The following ETV6 variants were observed in gnomAD, a reference collection of about 807,000 sequenced individuals.
ETV6 encodes transcription factor ETV6.
Under a neutral mutation model 51.1 loss-of-function variants are expected in ETV6, and 16 were observed. The ratio of observed to expected loss-of-function variants is 0.31; its 90% CI spans 0.21 to 0.48. The LOEUF is 0.48. ETV6 is among the 20% of genes least tolerant of loss of function. The pLI, the probability that ETV6 is intolerant of heterozygous loss-of-function variation, is 0.99. For synonymous variants in ETV6, 240 were observed against 224.1 expected, an observed-to-expected ratio of 1.07 and a Z score of -0.64; for missense variants, 458 against 594.8, an observed-to-expected ratio of 0.77 and a Z score of 2.39.
At chr12:11,783,426 G>C (rs1945439047) in intron 2 of ETV6, among the ~76,000 whole-genome samples, 2 of 152,154 alleles carry the variant, frequency 1.3e-5, no homozygotes, top group South Asian at 4.1e-4. Flanking sequence ...GTGGAAACCT[G>C]ATTGCTGTGG....
intron 2 of ETV6, among the ~76,000 whole-genome samples, chr12:11,800,387 A>G (rs1190062928): frequency 6.6e-6 from 1 of 152,244 alleles, no homozygotes; most frequent in Non-Finnish European, 1.5e-5. Context: ...TAACATAGCC[A>G]TTAACTCACA....
intron 1 of ETV6, among the ~76,000 whole-genome samples, chr12:11,658,897 G>A (rs918899606): frequency 1.3e-5 from 2 of 152,240 alleles, no homozygotes; most frequent in African/African-American, 4.8e-5. Context: ...TGTACAGTGA[G>A]TCTAACTAGC....
intron 1 of ETV6, among the ~76,000 whole-genome samples, chr12:11,675,302 A>G (rs1864401743): frequency 6.6e-6 from 1 of 152,226 alleles, no homozygotes; most frequent in South Asian, 2.1e-4. Flanking sequence ...AGCAAAAATA[A>G]AGCAAATAAA....
At chr12:11,697,195 T>C (rs1864893073) in intron 1 of ETV6, among the ~76,000 whole-genome samples, 1 of 152,182 alleles carries the variant, frequency 6.6e-6, no homozygotes, top group South Asian at 2.1e-4. Flanking sequence ...CTGAAATTTC[T>C]TGGGGACTGA....
At chr12:11,706,382 G>A (rs939844011) in intron 1 of ETV6, among the ~76,000 whole-genome samples, 1 of 152,154 alleles carries the variant, frequency 6.6e-6, no homozygotes, top group Non-Finnish European at 1.5e-5. Context: ...ATTTCTCTTC[G>A]CTGGAAGAGC....
intron 1 of ETV6, among the ~76,000 whole-genome samples, chr12:11,716,940 T>C (rs1475235507): frequency 6.6e-6 from 1 of 152,154 alleles, no homozygotes; most frequent in East Asian, 1.9e-4. Flanking sequence ...ATCTCTTAGA[T>C]CTAAAATCAT....
At chr12:11,715,245 A>G (rs1865253108) in intron 1 of ETV6, among the ~76,000 whole-genome samples, 1 of 152,178 alleles carries the variant, frequency 6.6e-6, no homozygotes, top group Non-Finnish European at 1.5e-5. Flanking sequence ...AGAGTTGAGC[A>G]TTCGTCTTTT....
intron 3 of ETV6, among the ~76,000 whole-genome samples, chr12:11,847,871 T>C (rs1259349560): frequency 6.6e-6 from 1 of 152,114 alleles, no homozygotes; most frequent in Admixed American, 6.6e-5. Context: ...AACTTGAAAC[T>C]GCTTAAAAGC....
chr12:11,869,498 C>G lies in ETV6; in HGVS notation c.538C>G (p.His180Asp). Reference protein sequence around the residue: ...HHNPPTIELLHRSRSPITTNH... With the variant: ...HHNPPTIELLDRSRSPITTNH... The stretch of plus-strand genomic sequence containing the variant: ...TAACCCTCCCACCATTGAACTGTTG[C>G]ACCGCTCCAGGTCACCTATCACGAC... Residue 180 changes from histidine to aspartate, a missense_variant, in exon 5 of 8, where the codon CAC (histidine) becomes GAC (aspartate). By Grantham distance (81) the His-to-Asp change is moderately conservative. Transcript: ENST00000396373. This position sits in a 1 kb window ranked among gnomAD's most constrained non-coding sequence, Gnocchi z 5.0. 3 of 1,614,158 alleles carry G rather than the reference C, an allele frequency of 1.9e-6. No homozygotes were observed. Among genetic ancestry groups the G allele is most frequent in the Non-Finnish European group, 2.5e-6 (3 of 1,180,024 alleles).
At chr12:11,822,251 G>A (rs1457629706) in intron 2 of ETV6, among the ~76,000 whole-genome samples, 2 of 152,214 alleles carry the variant, frequency 1.3e-5, no homozygotes, top group African/African-American at 4.8e-5. Context: ...GTGCTCAGCA[G>A]TTAGACCCAA....
intron 1 of ETV6, among the ~76,000 whole-genome samples, chr12:11,697,264 G>A (rs1864893965): frequency 6.6e-6 from 1 of 152,136 alleles, no homozygotes; most frequent in South Asian, 2.1e-4. Context: ...AGCTACACAG[G>A]AGCCACCCGA....
chr12:11,678,668 T>A (rs1328665967), intron 1 of ETV6, among the ~76,000 whole-genome samples: 1 of 152,192 alleles, frequency 6.6e-6, no homozygotes, highest in African/African-American at 2.4e-5. Context: ...AGAAATTGGC[T>A]CACGTGATTA....
intron 2 of ETV6, among the ~76,000 whole-genome samples, chr12:11,834,670 C>T (rs1211332026): frequency 6.6e-6 from 1 of 152,214 alleles, no homozygotes; most frequent in African/African-American, 2.4e-5. Flanking sequence ...ATGAAACACA[C>T]TTAAGCATTA....
rs1206476570 is a variant in ETV6, at chr12:11,894,917, C to G, written c.*3871C>G. ...AAGAAAAAGGGGCAGTTTTCTTTGC[C>G]CAAGCATTTGGTGCTAGTTAGAGGC... is the stretch of plus-strand genomic sequence containing the variant. On this transcript the variant is annotated 3_prime_UTR_variant, in exon 8 of 8. Transcript: ENST00000396373. 1.2e-4 allele frequency: 27 copies of G among 233,458 alleles called. No individual in the cohort carries two copies. The Admixed American group carries it at 1.5e-3, about 13-fold the overall frequency. 14.5% of individuals were successfully genotyped at this position (233,458 alleles called of 1,614,324 possible).
intron 2 of ETV6, among the ~76,000 whole-genome samples, chr12:11,833,489 A>G (rs146336685): frequency 2.0e-5 from 3 of 152,350 alleles, no homozygotes; most frequent in African/African-American, 7.2e-5. Context: ...AAATTTAGTC[A>G]TAAATTTAAT....
intron 2 of ETV6, among the ~76,000 whole-genome samples, chr12:11,770,066 G>T (rs1348206476): frequency 6.6e-6 from 1 of 152,140 alleles, no homozygotes; most frequent in Non-Finnish European, 1.5e-5. Context: ...TCAAAAAAAA[G>T]GTAGAAAGTT....
chr12:11,728,126 T>A (rs190438670), intron 1 of ETV6, among the ~76,000 whole-genome samples: 1 of 152,330 alleles, frequency 6.6e-6, no homozygotes, highest in East Asian at 1.9e-4. Flanking sequence ...CGGCCTCCCC[T>A]TCTTATAACA....
chr12:11,873,686 G>T (rs1946919802), intron 5 of ETV6, among the ~76,000 whole-genome samples: 1 of 113,106 alleles, frequency 8.8e-6, no homozygotes, highest in Admixed American at 9.9e-5. Flanking sequence ...TAGAATTTAT[G>T]CATTTGGACA....
Position 11,752,437 on chromosome 12 carries a change from T to C in ETV6, c.34-13T>C. The C allele has an allele frequency of 1.2e-6, 2 of 1,606,424 alleles. No individual in the cohort carries two copies. The highest frequency in any genetic ancestry group is 1.7e-6 in the Non-Finnish European group (2 of 1,174,462). On this transcript the variant is annotated splice_polypyrimidine_tract_variant and intron_variant, in intron 1 of 7. Transcript: ENST00000396373. ...CTCTCCCCCTCCCCTCTTCCTGCCCTTATTTTTAACAGCAGGAACGAATTT... is the reference window on the plus strand; with the variant it reads ...CTCTCCCCCTCCCCTCTTCCTGCCCCTATTTTTAACAGCAGGAACGAATTT...
Sources: gnomAD v4.1 joint callset for allele counts (sites outside exome capture counted in the v4.1 genomes callset) on GRCh38, gnomAD v4.1.1 for gene constraint, Gnocchi (gnomAD v3.1) non-coding constraint, MANE v1.5 for transcripts, NCBI Gene and HGNC (gene_info 2026-07-23, HGNC 2026-07-21) for gene names.